The following CNTNAP5 variants were observed in gnomAD, a reference collection of about 807,000 sequenced individuals.
The protein encoded by CNTNAP5 is contactin associated protein family member 5.
CNTNAP5 carries 72 observed loss-of-function variants against 150.2 expected under a neutral mutation model. That is an observed-to-expected ratio of 0.48 (90% CI 0.40 to 0.58). The LOEUF (loss-of-function observed/expected upper bound fraction) is 0.58. Among genes scored for constraint, CNTNAP5 ranks in the 20% least tolerant of loss-of-function variants. The pLI is 0.00. For synonymous variants in CNTNAP5, 672 were observed against 619.8 expected (o/e 1.08, Z -1.25); for missense variants, 1,636 against 1,626.2 (o/e 1.01, Z -0.10).
intron 13 of CNTNAP5, among the ~76,000 whole-genome samples, chr2:124,687,498 T>C (rs1385895714): frequency 2.0e-5 from 3 of 152,088 alleles, no homozygotes; most frequent in Non-Finnish European, 4.4e-5. Context: ...TTCATTATGG[T>C]TCATGGGTTT....
At chr2:124,539,739 A>G (rs1695334129) in intron 10 of CNTNAP5, among the ~76,000 whole-genome samples, 1 of 152,214 alleles carries the variant, frequency 6.6e-6, no homozygotes, top group Admixed American at 6.5e-5. Context: ...TTCTGTGTAT[A>G]TCAGCAGGCC....
At chr2:124,384,206 G>T (rs1690873139) in intron 3 of CNTNAP5, among the ~76,000 whole-genome samples, 1 of 152,116 alleles carries the variant, frequency 6.6e-6, no homozygotes, top group South Asian at 2.1e-4. Context: ...ATGAAGGTCA[G>T]ATTTTTATAA....
chr2:124,633,661 T>C (rs2105012036), intron 12 of CNTNAP5, among the ~76,000 whole-genome samples: 1 of 152,298 alleles, frequency 6.6e-6, no homozygotes, highest in South Asian at 2.1e-4. Context: ...GTGTGGGGGC[T>C]CCAACTCCAC....
intron 10 of CNTNAP5, among the ~76,000 whole-genome samples, chr2:124,552,527 ACT>A (rs1558950705): frequency 6.6e-6 from 1 of 151,194 alleles, no homozygotes; most frequent in East Asian, 2.0e-4. Flanking sequence ...GGACAGCTTG[ACT>A]CTCTTTTTAG....
intron 6 of CNTNAP5, among the ~76,000 whole-genome samples, chr2:124,474,450 T>C (rs1456092575): frequency 6.6e-6 from 1 of 152,054 alleles, no homozygotes; most frequent in Non-Finnish European, 1.5e-5. Context: ...ATTTTCTTTT[T>C]CTTTTTCCCT....
intron 12 of CNTNAP5, among the ~76,000 whole-genome samples, chr2:124,632,124 C>G (rs1677873062): frequency 6.6e-6 from 1 of 152,120 alleles, no homozygotes; most frequent in Non-Finnish European, 1.5e-5. Context: ...TTAGTTCAAC[C>G]ATTGTGCAAG....
chr2:124,384,563 C>G (rs184555317), intron 3 of CNTNAP5, among the ~76,000 whole-genome samples: 1 of 152,192 alleles, frequency 6.6e-6, no homozygotes, highest in Non-Finnish European at 1.5e-5. Context: ...AGGCACATTA[C>G]CTTCATTTTA....
intron 2 of CNTNAP5, among the ~76,000 whole-genome samples, chr2:124,231,319 CA>C (rs751642881): frequency 6.6e-6 from 1 of 152,124 alleles, no homozygotes; most frequent in Non-Finnish European, 1.5e-5. Context: ...TCATTTCTGT[CA>C]TCACTTCAGT....
intron 13 of CNTNAP5, among the ~76,000 whole-genome samples, chr2:124,714,283 C>T (rs965098909): frequency 7.9e-5 from 12 of 151,920 alleles, no homozygotes; most frequent in African/African-American, 2.4e-5. Context: ...GCAGAATGAC[C>T]CTCAAGGAGC....
chr2:124,874,615 G>T, intron 21 of CNTNAP5, among the ~76,000 whole-genome samples: 1 of 151,866 alleles, frequency 6.6e-6, no homozygotes, highest in Admixed American at 6.6e-5. Flanking sequence ...CTATTGTTTG[G>T]TGAAATTAAG....
At chr2:124,444,708 C>A (rs188547614) in intron 5 of CNTNAP5, among the ~76,000 whole-genome samples, 1 of 152,340 alleles carries the variant, frequency 6.6e-6, no homozygotes, top group Admixed American at 6.5e-5. Flanking sequence ...GTGACCTAGC[C>A]TACAAAGTCC....
intron 1 of CNTNAP5, among the ~76,000 whole-genome samples, chr2:124,087,317 T>C (rs542923977): frequency 6.6e-6 from 1 of 152,026 alleles, no homozygotes; most frequent in African/African-American, 2.4e-5. Context: ...TCTTTTATTT[T>C]TTCTTTCTAT....
At chr2:124,294,593 C>A (rs1688375072) in intron 3 of CNTNAP5, among the ~76,000 whole-genome samples, 1 of 152,090 alleles carries the variant, frequency 6.6e-6, no homozygotes, top group Non-Finnish European at 1.5e-5. Flanking sequence ...AGTTCCAGAA[C>A]AGAATAAGGA....
At chr2:124,288,238 A>G (rs1688202623) in intron 3 of CNTNAP5, among the ~76,000 whole-genome samples, 1 of 152,228 alleles carries the variant, frequency 6.6e-6, no homozygotes, top group Non-Finnish European at 1.5e-5. Context: ...CCAGGACAGT[A>G]TCTTTTAGTA....
intron 21 of CNTNAP5, among the ~76,000 whole-genome samples, chr2:124,888,133 C>A (rs1678119592): frequency 6.6e-6 from 1 of 152,032 alleles, no homozygotes; most frequent in South Asian, 2.1e-4. Flanking sequence ...TCCTCAGTGT[C>A]TATTGTTGCC....
chr2:124,113,413 G>A (rs1683346850), intron 1 of CNTNAP5, among the ~76,000 whole-genome samples: 1 of 151,744 alleles, frequency 6.6e-6, no homozygotes, highest in African/African-American at 2.4e-5. Context: ...TCTATGCTGG[G>A]TAAATGAAAT....
At chr2:124,045,918 T>C (rs1681520045) in intron 1 of CNTNAP5, among the ~76,000 whole-genome samples, 2 of 152,208 alleles carry the variant, frequency 1.3e-5, no homozygotes, top group Admixed American at 1.3e-4. Context: ...GTGAATCCCC[T>C]GAAATTGTGC....
intron 3 of CNTNAP5, among the ~76,000 whole-genome samples, chr2:124,408,167 T>G (rs1483148740): frequency 6.6e-6 from 1 of 152,174 alleles, no homozygotes; most frequent in Admixed American, 6.5e-5. Context: ...AATACTGCGC[T>G]TTTCCGACGG....
chr2:124,796,666 C>G (rs1208906517), intron 18 of CNTNAP5, among the ~76,000 whole-genome samples: 1 of 152,178 alleles, frequency 6.6e-6, no homozygotes, highest in Non-Finnish European at 1.5e-5. Context: ...AACACATTTG[C>G]AATAGAATTA....
Sources: gnomAD v4.1 joint callset for allele counts (sites outside exome capture counted in the v4.1 genomes callset) on GRCh38, gnomAD v4.1.1 for gene constraint, MANE v1.5 for transcripts, NCBI Gene and HGNC (gene_info 2026-07-23, HGNC 2026-07-21) for gene names.